The following SV2C variants were observed in gnomAD, a reference collection of about 807,000 sequenced individuals.
SV2C encodes the protein synaptic vesicle glycoprotein 2C.
In SV2C, 49 loss-of-function variants were observed where a neutral mutation model predicts 79.7. The observed-to-expected ratio is 0.61, with a 90% CI of 0.49 to 0.78. The LOEUF is 0.78. Ranked by LOEUF, SV2C falls within the 30% of genes least tolerant of loss-of-function variation. The probability of loss-of-function intolerance (pLI) is 0.00; values close to 1 mark genes in which losing one functional copy is unlikely to be tolerated. For missense variants in SV2C, 833 were observed against 912.9 expected, an observed-to-expected ratio of 0.91 and a Z score of 1.13; for synonymous variants, 334 against 333.2, an observed-to-expected ratio of 1.00 and a Z score of -0.03.
chr5:76,195,930 T>C (rs1267939688), intron 3 of SV2C, among the ~76,000 whole-genome samples: 1 of 152,174 alleles, frequency 6.6e-6, no homozygotes, highest in Non-Finnish European at 1.5e-5. Flanking sequence ...TATCTATATA[T>C]AAAATTTTTG....
chr5:76,100,807 G>C (rs1448022545), intron 1 of SV2C, among the ~76,000 whole-genome samples: 1 of 152,164 alleles, frequency 6.6e-6, no homozygotes, highest in Admixed American at 6.5e-5. Context: ...CTGACATTTT[G>C]GACCAGATAA....
chr5:75,905,713 C>A, the SV2C span, among the ~76,000 whole-genome samples: 2,456 of 151,922 alleles, frequency 0.016, 34 homozygotes, highest in African/African-American at 0.042. Context: ...ATCATCAGGG[C>A]CTCCCTGAAA....
intron 4 of SV2C, among the ~76,000 whole-genome samples, chr5:76,242,718 C>A (rs1413975082): frequency 2.0e-5 from 3 of 152,028 alleles, no homozygotes; most frequent in Admixed American, 1.3e-4. Context: ...AATCTTGGAG[C>A]ATTTTGTTTC....
the SV2C span, among the ~76,000 whole-genome samples, chr5:76,000,058 C>G: frequency 2.6e-5 from 4 of 152,202 alleles, no homozygotes; most frequent in South Asian, 6.2e-4. Context: ...TAGCAAGGCC[C>G]TAAACAAACT....
At chr5:75,891,749 T>C in the SV2C span, among the ~76,000 whole-genome samples, 3 of 152,106 alleles carry the variant, frequency 2.0e-5, no homozygotes, top group African/African-American at 4.8e-5. Flanking sequence ...TCTCAGACCA[T>C]GTAAATGTGT....
intron 12 of SV2C, among the ~76,000 whole-genome samples, chr5:76,350,156 GACCATT>G (rs1227207568): frequency 2.0e-5 from 3 of 152,254 alleles, no homozygotes; most frequent in African/African-American, 7.2e-5. Context: ...TGTCTTAAGT[GACCATT>G]ACCATTTCCT....
At chr5:76,260,973 T>C (rs973288520) in intron 4 of SV2C, among the ~76,000 whole-genome samples, 2 of 152,172 alleles carry the variant, frequency 1.3e-5, no homozygotes, top group Non-Finnish European at 2.9e-5. Flanking sequence ...TTTCTAGTTA[T>C]GTGAAGAAAG....
the SV2C span, among the ~76,000 whole-genome samples, chr5:75,939,262 G>A: frequency 6.6e-6 from 1 of 152,142 alleles, no homozygotes; most frequent in African/African-American, 2.4e-5. Flanking sequence ...TCTGGAGGCT[G>A]AGAAGTCCAG....
chr5:75,943,401 T>C, the SV2C span, among the ~76,000 whole-genome samples: 1 of 152,162 alleles, frequency 6.6e-6, no homozygotes, highest in Non-Finnish European at 1.5e-5. Flanking sequence ...TGAAGACATG[T>C]CTTTTCTGCT....
intron 2 of SV2C, among the ~76,000 whole-genome samples, chr5:76,164,479 A>C (rs934584440): frequency 6.6e-6 from 1 of 152,214 alleles, no homozygotes; most frequent in Admixed American, 6.5e-5. Context: ...GCTAGATTTG[A>C]GTGATGTGGC....
At chr5:76,294,176 A>AT (rs1299389989) in intron 8 of SV2C, among the ~76,000 whole-genome samples, 1 of 152,200 alleles carries the variant, frequency 6.6e-6, no homozygotes, top group East Asian at 1.9e-4. Flanking sequence ...GCACAGTCTA[A>AT]TAGAGGTATC....
the SV2C span, among the ~76,000 whole-genome samples, chr5:75,993,835 G>C: frequency 6.6e-6 from 1 of 152,130 alleles, no homozygotes; most frequent in East Asian, 1.9e-4. Context: ...TTCTGGTGCA[G>C]TGATGCAATG....
intron 4 of SV2C, among the ~76,000 whole-genome samples, chr5:76,251,493 G>A (rs1394415489): frequency 6.6e-6 from 1 of 152,152 alleles, no homozygotes; most frequent in East Asian, 1.9e-4. Context: ...AGAGGCTTCG[G>A]TGAACTATGA....
intron 1 of SV2C, among the ~76,000 whole-genome samples, chr5:76,088,466 T>G (rs1190995209): frequency 6.6e-6 from 1 of 152,152 alleles, no homozygotes; most frequent in Non-Finnish European, 1.5e-5. Flanking sequence ...TGGTGTCTGG[T>G]CAAGGCCTAT....
chr5:76,309,524 C>T (rs567018210), intron 12 of SV2C, among the ~76,000 whole-genome samples: 12 of 137,822 alleles, frequency 8.7e-5, no homozygotes, highest in African/African-American at 1.6e-4. Flanking sequence ...GGCGTGAACC[C>T]GGGAGGCGGA....
At chr5:76,227,077 C>A (rs1413304538) in intron 4 of SV2C, among the ~76,000 whole-genome samples, 1 of 152,196 alleles carries the variant, frequency 6.6e-6, no homozygotes, top group African/African-American at 2.4e-5. Context: ...TGGAAAGACA[C>A]CAAACATCTG....
the SV2C span, among the ~76,000 whole-genome samples, chr5:75,933,204 C>T: frequency 2.6e-5 from 4 of 152,284 alleles, no homozygotes; most frequent in African/African-American, 9.6e-5. Context: ...CATCACCAAC[C>T]TAAGAGTATA....
At chr5:75,936,833 G>A in the SV2C span, among the ~76,000 whole-genome samples, 5 of 152,184 alleles carry the variant, frequency 3.3e-5, no homozygotes, top group Non-Finnish European at 5.9e-5. Flanking sequence ...GAGAGGAACT[G>A]ATTGCCAGTT....
chr5:76,084,385 T>C (rs1490644559), intron 1 of SV2C, among the ~76,000 whole-genome samples: 1 of 151,976 alleles, frequency 6.6e-6, no homozygotes, highest in Non-Finnish European at 1.5e-5. Context: ...TAGTGGGCTT[T>C]TCCCCTTCCG....
Sources: gnomAD v4.1 joint callset for allele counts (sites outside exome capture counted in the v4.1 genomes callset) on GRCh38, gnomAD v4.1.1 for gene constraint, MANE v1.5 for transcripts, NCBI Gene and HGNC (gene_info 2026-07-23, HGNC 2026-07-21) for gene names.